Variants in PCDHGB7 observed in about 807,000 individuals in gnomAD.
PCDHGB7 encodes the protein protocadherin gamma-B7.
PCDHGB7 carries 37 observed loss-of-function variants against 61.4 expected under a neutral mutation model. The ratio of observed to expected loss-of-function variants is 0.60; its 90% confidence interval spans 0.46 to 0.79. PCDHGB7 has a LOEUF of 0.79. Among genes scored for constraint, PCDHGB7 ranks in the 30% least tolerant of loss-of-function variants. The probability of loss-of-function intolerance (pLI) is 0.00; values close to 1 mark genes in which losing one functional copy is unlikely to be tolerated. For synonymous variants in PCDHGB7, 464 were observed against 503.5 expected, an observed-to-expected ratio of 0.92 and a Z score of 1.05; for missense variants, 1,166 against 1,202.5, an observed-to-expected ratio of 0.97 and a Z score of 0.45.
At chr5:141,471,095 C>T (rs1266802067) in intron 1 of PCDHGB7, among the ~76,000 whole-genome samples, 1 of 144,764 alleles carries the variant, frequency 6.9e-6, no homozygotes, top group East Asian at 2.0e-4. Context: ...GTTGTCCAGG[C>T]TAGAGTGCAG....
intron 1 of PCDHGB7, chr5:141,478,544 C>G (rs1371505487): frequency 6.2e-7 from 1 of 1,605,660 alleles, no homozygotes; most frequent in Admixed American, 1.7e-5. Flanking sequence ...CCCTCCCGGA[C>G]AGGTAAGGTT....
intron 1 of PCDHGB7, among the ~76,000 whole-genome samples, chr5:141,445,447 A>C (rs974383838): frequency 6.6e-6 from 1 of 152,222 alleles, no homozygotes; most frequent in Non-Finnish European, 1.5e-5. Flanking sequence ...TGGACTAAGG[A>C]TGCAGCAATG....
chr5:141,450,450 C>T (rs964666176), intron 1 of PCDHGB7, among the ~76,000 whole-genome samples: 5 of 151,996 alleles, frequency 3.3e-5, no homozygotes, highest in African/African-American at 9.7e-5. Context: ...TTTTATGTTT[C>T]CTCGTGATTT....
At position 141,421,815 on chromosome 5, in the gene PCDHGB7, A is replaced by C. The variant is rs746563152; in HGVS notation, c.2415+1541A>C. ...ATGGGGCCAAGAATCCAGAGCTAGTACTGGAGGGAAGCCTGGACCGAGAGA... is the reference window on the plus strand; with the variant it reads ...ATGGGGCCAAGAATCCAGAGCTAGTCCTGGAGGGAAGCCTGGACCGAGAGA... On this transcript the variant is annotated intron_variant, in intron 1 of 3. Coordinates refer to ENST00000398594, the MANE Select transcript of PCDHGB7 (RefSeq NM_018927.4). 4 of 1,613,764 alleles carry C rather than the reference A, an allele frequency of 2.5e-6. No individual in the cohort carries two copies. The South Asian group carries it at 3.3e-5, about 13-fold the overall frequency.
chr5:141,477,469 T>C lies in PCDHGB7; in HGVS notation c.2416-17338T>C, dbSNP rs2099411540. ...TGCGTGTTCAAGTGTCCGACATCAA[T>C]GACAACCCTCCACAATCTTCTCAAT... On this transcript the variant is annotated intron_variant, in intron 1 of 3. Coordinates refer to ENST00000398594, the MANE Select transcript of PCDHGB7 (RefSeq NM_018927.4). The surrounding 1 kb of genome is among the most constrained non-coding windows in gnomAD (Gnocchi z 4.9). 6.2e-7 allele frequency: 1 copy of C among 1,614,028 alleles called. No homozygotes were observed. Among genetic ancestry groups the C allele is most frequent in the South Asian group, 1.1e-5 (1 of 91,078 alleles).
rs976849391 is a variant in PCDHGB7 at position 141,419,777 on chromosome 5, C to T, written c.1918C>T (p.Gln640Ter). The change falls in exon 1 of 4, where the codon CAG becomes TAG. Residue 640 changes from glutamine (Q) to a stop codon, truncating the protein, a stop_gained. Coordinates refer to ENST00000398594, the MANE Select transcript of PCDHGB7 (RefSeq NM_018927.4). LOFTEE classifies it high-confidence loss of function. ...TTTGGGTGACAAGGACTCGGTCCGC[C>T]AGCGCCTGCTAGTCGCTGTAAGAGA... ...RALGDKDSVR[Q>*]RLLVAVRDGG... The T allele has an allele frequency of 1.9e-6, 3 of 1,614,054 alleles. No homozygotes were observed. Among genetic ancestry groups the T allele is most frequent in the Admixed American group, 3.3e-5 (2 of 60,036 alleles).
In PCDHGB7 at chr5:141,432,540, T is replaced by C. The variant is rs147884705; in HGVS notation, c.2415+12266T>C. The C allele has an allele frequency of 1.2e-6, 2 of 1,613,726 alleles. No homozygotes were observed. The highest frequency in any genetic ancestry group is 2.2e-5 in the South Asian group (2 of 91,058). On this transcript the variant is annotated intron_variant, in intron 1 of 3. Transcript: ENST00000398594. The surrounding 1 kb of genome is among the most constrained non-coding windows in gnomAD (Gnocchi z 6.0). ...TACCTGGTGACCAAGGTGGTGGCGG[T>C]GGACAGAGACTCCGGCCAGAACGCC...
chr5:141,420,840 T>A (rs2096528017), intron 1 of PCDHGB7, among the ~76,000 whole-genome samples: 1 of 152,250 alleles, frequency 6.6e-6, no homozygotes, highest in African/African-American at 2.4e-5. Flanking sequence ...TCGCAGGTGT[T>A]CTTGGTAAAG....
At chr5:141,433,225 GCT>G in intron 1 of PCDHGB7, 1 of 1,517,048 alleles carries the variant, frequency 6.6e-7, no homozygotes, top group African/African-American at 1.4e-5. Context: ...TTTTTTAATT[GCT>G]CTGTCTCCCA....
intron 2 of PCDHGB7, among the ~76,000 whole-genome samples, chr5:141,496,557 C>T (rs190275684): frequency 2.0e-5 from 3 of 152,258 alleles, no homozygotes; most frequent in Admixed American, 1.3e-4. Flanking sequence ...TGGGCATGCA[C>T]AGTCCTGTCA....
At chr5:141,441,703 A>C (rs1329703451) in intron 1 of PCDHGB7, 2 of 312,092 alleles carry the variant, frequency 6.4e-6, no homozygotes, top group Non-Finnish European at 1.3e-5. Context: ...CGAGCCTTCA[A>C]GCTCACGCTG....
intron 1 of PCDHGB7, among the ~76,000 whole-genome samples, chr5:141,456,745 A>T (rs573105679): frequency 6.6e-6 from 1 of 151,920 alleles, no homozygotes; most frequent in South Asian, 2.1e-4. Context: ...CGGGAGCATC[A>T]TGAGGTCAGG....
chr5:141,424,076 A>C, intron 1 of PCDHGB7: 2 of 979,452 alleles, frequency 2.0e-6, no homozygotes, highest in Non-Finnish European at 2.5e-6. Flanking sequence ...TTGTAGTTAT[A>C]TTCCACCATT....
At position 141,422,923 on chromosome 5, in the gene PCDHGB7, C is replaced by T. The variant is rs188787674; in HGVS notation, c.2415+2649C>T. The T allele has an allele frequency of 1.6e-5, 26 of 1,614,252 alleles. No homozygotes were observed. In the East Asian group the frequency reaches 2.5e-4, roughly 15 times the overall value. On this transcript the variant is annotated intron_variant, in intron 1 of 3. Coordinates refer to ENST00000398594, the MANE Select transcript of PCDHGB7 (RefSeq NM_018927.4). ...CGACAATGCGCCCGAGATCCTGTAC[C>T]CTGCCCTCCCCACAGACGGCTCCAC...
Position 141,431,755 on chromosome 5 carries a change from AGTCCT to A in PCDHGB7, c.2415+11483_2415+11487del. On this transcript the variant is annotated intron_variant, in intron 1 of 3. Coordinates refer to ENST00000398594, the MANE Select transcript of PCDHGB7 (RefSeq NM_018927.4). This position sits in a 1 kb window ranked among gnomAD's most constrained non-coding sequence, Gnocchi z 4.8. ...ATGCAGGATATTCTGCGCGAGCCAA[AGTCCT>A]GATCACTGTTCTGGACGTGAACGAC... 6.2e-7 allele frequency: 1 copy of A among 1,614,238 alleles called. No individual in the cohort carries two copies. Among genetic ancestry groups the A allele is most frequent in the Non-Finnish European group, 8.5e-7 (1 of 1,180,048 alleles).
In PCDHGB7 at chr5:141,490,949, A is replaced by G. The variant is rs2074912; in HGVS notation, c.2416-3858A>G. On this transcript the variant is annotated intron_variant, in intron 1 of 3. Coordinates refer to ENST00000398594, the MANE Select transcript of PCDHGB7 (RefSeq NM_018927.4). The surrounding 1 kb of genome is among the most constrained non-coding windows in gnomAD (Gnocchi z 5.4). ...CCAGCTGTGCTGCACCCACGGCCAG[A>G]CTGGGAACACTCAGCCCCCCAGCGT... 0.21 allele frequency: 331,850 copies of G among 1,613,352 alleles called. 36,311 individuals carry two copies. The highest frequency in any genetic ancestry group is 0.37 in the Admixed American group (22,349 of 59,972).
At chr5:141,424,723 T>A (rs2096836963) in intron 1 of PCDHGB7, 2 of 152,144 alleles carry the variant, frequency 1.3e-5, no homozygotes, top group African/African-American at 4.8e-5. Context: ...TAGTTGGGAG[T>A]CATAGATTCC....
chr5:141,506,017 C>G (rs2099850061), intron 3 of PCDHGB7, among the ~76,000 whole-genome samples: 1 of 152,176 alleles, frequency 6.6e-6, no homozygotes, highest in Non-Finnish European at 1.5e-5. Flanking sequence ...TTTGCTGCCC[C>G]TAACTCCAGA....
chr5:141,428,387 G>A, intron 1 of PCDHGB7: 1 of 505,948 alleles, frequency 2.0e-6, no homozygotes, highest in South Asian at 2.0e-5. Context: ...TGCTCTTCCA[G>A]CCCCTCTGCC....
Sources: gnomAD v4.1 joint callset for allele counts (sites outside exome capture counted in the v4.1 genomes callset) on GRCh38, gnomAD v4.1.1 for gene constraint, Gnocchi (gnomAD v3.1) non-coding constraint, MANE v1.5 for transcripts, NCBI Gene and HGNC (gene_info 2026-07-23, HGNC 2026-07-21) for gene names.